Variants in STK24 observed in about 807,000 individuals in gnomAD.
The protein encoded by STK24 is serine/threonine kinase 24, also known as serine/threonine-protein kinase 24.
A neutral mutation model predicts 55.6 loss-of-function variants in STK24; 21 were observed. That is an observed-to-expected ratio of 0.38 (90% CI 0.27 to 0.54). The LOEUF is 0.54. Ranked by LOEUF, STK24 falls within the 20% of genes least tolerant of loss-of-function variation. The pLI is 0.79. For synonymous variants in STK24, 200 were observed against 215.2 expected (o/e 0.93, Z 0.62); for missense variants, 383 against 538.4 (o/e 0.71, Z 2.86).
At chr13:98,530,765 C>T (rs1012549961) in intron 1 of STK24, among the ~76,000 whole-genome samples, 4 of 152,296 alleles carry the variant, frequency 2.6e-5, no homozygotes, top group South Asian at 2.1e-4. Context: ...CTGCCGGCAA[C>T]GTGGTGAACT....
intron 1 of STK24, among the ~76,000 whole-genome samples, chr13:98,574,369 A>G (rs1463007104): frequency 6.6e-6 from 1 of 152,242 alleles, no homozygotes; most frequent in African/African-American, 2.4e-5. Flanking sequence ...GGCCTATCAG[A>G]GCAAGCCATA....
rs1263689100 is a variant in STK24 at position 98,449,580 on chromosome 13, G to A, written c.*3593C>T. ...TAGCACCTGCCCACCTGAGAACCAG[G>A]AACGCACCCTCTCTGTGGAGCTCTG... On this transcript the variant is annotated 3_prime_UTR_variant, in exon 11 of 11. Coordinates refer to ENST00000539966, the MANE Select transcript of STK24 (RefSeq NM_001032296.4). 2.0e-5 allele frequency: 3 copies of A among 152,594 alleles called. No individual in the cohort carries two copies. The highest frequency in any genetic ancestry group is 4.4e-5 in the Non-Finnish European group (3 of 68,064). The allele number at this position is 152,594 out of a possible 1,614,324, so 9.5% of individuals were successfully genotyped here.
chr13:98,545,586 A>T (rs1042179655), intron 1 of STK24, among the ~76,000 whole-genome samples: 6 of 150,400 alleles, frequency 4.0e-5, no homozygotes, highest in African/African-American at 1.5e-4. Context: ...GTGAGCCGAG[A>T]TTACGCCACT....
At chr13:98,516,587 G>A (rs750728449) in intron 2 of STK24, among the ~76,000 whole-genome samples, 37 of 152,202 alleles carry the variant, frequency 2.4e-4, no homozygotes, top group Admixed American at 6.5e-5. Flanking sequence ...AACATGAACA[G>A]AAACAATGTG....
chr13:98,486,584 AG>A (rs1272137369), intron 2 of STK24, among the ~76,000 whole-genome samples: 2 of 152,192 alleles, frequency 1.3e-5, no homozygotes, highest in Non-Finnish European at 2.9e-5. Flanking sequence ...CATGCACTGC[AG>A]GGTGTTCAGC....
At position 98,457,216 on chromosome 13, in the gene STK24, G is replaced by A; in HGVS notation, c.1211C>T (p.Pro404Leu). ...GGCCACCATGGTGTCGGAGATGCCA[G>A]GGCACGCCTCCTCCGCTAGGTAGAT... ...GAIYLAEEAC[P>L]GISDTMVAQL... Residue 404 changes from proline (P) to leucine (L), a missense_variant, in exon 10 of 11, where the codon CCT (proline) becomes CTT (leucine). By Grantham distance (98) the Pro-to-Leu change is moderately conservative. Transcript: ENST00000539966. The A allele has an allele frequency of 6.2e-7, 1 of 1,612,868 alleles. No homozygotes were observed. The highest frequency in any genetic ancestry group is 8.5e-7 in the Non-Finnish European group (1 of 1,179,992).
At chr13:98,528,723 T>C (rs1370663018) in intron 1 of STK24, among the ~76,000 whole-genome samples, 1 of 152,236 alleles carries the variant, frequency 6.6e-6, no homozygotes, top group Non-Finnish European at 1.5e-5. Flanking sequence ...CAACTTTCAG[T>C]GTTACTCAGC....
chr13:98,446,355 C>T lies in STK24; in HGVS notation c.*6818G>A, dbSNP rs544728371. On this transcript the variant is annotated 3_prime_UTR_variant, in exon 11 of 11. Transcript: ENST00000539966. ...ATGCTGGCGGGGGGCCCTGTCCACC[C>T]GAGGCCCTCAACTCTAGGGAAGACT... is the stretch of plus-strand genomic sequence containing the variant. The T allele has an allele frequency of 5.8e-5, 36 of 616,714 alleles. No homozygotes were observed. The highest frequency in any genetic ancestry group is 4.4e-4 in the African/African-American group (24 of 54,232). 38.2% of individuals were successfully genotyped at this position (616,714 alleles called of 1,614,324 possible).
chr13:98,461,063 A>T (rs1423412978), intron 8 of STK24, among the ~76,000 whole-genome samples: 1 of 150,818 alleles, frequency 6.6e-6, no homozygotes, highest in Non-Finnish European at 1.5e-5. Flanking sequence ...AAAGAGAGAG[A>T]GAGAGAGAGA....
At chr13:98,456,367 T>C (rs113160191) in intron 10 of STK24, 41 of 405,688 alleles carry the variant, frequency 1.0e-4, no homozygotes, top group African/African-American at 7.4e-4. Context: ...CTTTGGGAGG[T>C]GTCAGCCTGG....
At chr13:98,539,758 A>G (rs1198781661) in intron 1 of STK24, among the ~76,000 whole-genome samples, 1 of 152,234 alleles carries the variant, frequency 6.6e-6, no homozygotes, top group African/African-American at 2.4e-5. Flanking sequence ...TGGCCACTTC[A>G]GAAAGCCATT....
At chr13:98,459,470 C>T (rs1473153271) in intron 9 of STK24, among the ~76,000 whole-genome samples, 1 of 152,212 alleles carries the variant, frequency 6.6e-6, no homozygotes. Flanking sequence ...CTGGGCAGGG[C>T]AACAGGTGAA....
intron 3 of STK24, among the ~76,000 whole-genome samples, chr13:98,475,760 C>T (rs1299898332): frequency 1.3e-5 from 2 of 152,114 alleles, no homozygotes; most frequent in South Asian, 2.1e-4. Flanking sequence ...ATGGCAGGGG[C>T]GGGGTACAGG....
chr13:98,519,797 T>G (rs1398670929), intron 1 of STK24, among the ~76,000 whole-genome samples: 1 of 152,238 alleles, frequency 6.6e-6, no homozygotes, highest in East Asian at 1.9e-4. Flanking sequence ...TATTGGAATG[T>G]TAGGATACAC....
At chr13:98,502,629 T>C (rs1022301209) in intron 2 of STK24, among the ~76,000 whole-genome samples, 1 of 152,218 alleles carries the variant, frequency 6.6e-6, no homozygotes, top group African/African-American at 2.4e-5. Flanking sequence ...CAGCAAGTCC[T>C]GTCCCTGGTG....
chr13:98,461,747 T>G, intron 8 of STK24, 27 bp downstream of exon 8: 1 of 1,610,280 alleles, frequency 6.2e-7, no homozygotes, highest in South Asian at 1.1e-5. Context: ...GAGGTCAGCG[T>G]GGCCATTCTG....
chr13:98,525,822 G>A (rs1039102725), intron 1 of STK24, among the ~76,000 whole-genome samples: 1 of 152,232 alleles, frequency 6.6e-6, no homozygotes, highest in Non-Finnish European at 1.5e-5. Flanking sequence ...TGAGAGTGAG[G>A]ATCCAGCACC....
At chr13:98,528,845 T>C (rs1434245383) in intron 1 of STK24, among the ~76,000 whole-genome samples, 3 of 152,146 alleles carry the variant, frequency 2.0e-5, no homozygotes, top group Admixed American at 6.5e-5. Flanking sequence ...CGTGCTCTAA[T>C]ACCCGGTACT....
At chr13:98,524,527 G>T (rs968510314) in intron 1 of STK24, among the ~76,000 whole-genome samples, 9 of 152,182 alleles carry the variant, frequency 5.9e-5, no homozygotes, top group African/African-American at 2.2e-4. Context: ...CCAGGCCCCA[G>T]ACACTCTCCA....
Sources: allele counts gnomAD v4.1 joint callset (sites outside exome capture counted in the v4.1 genomes callset), GRCh38; gene constraint gnomAD v4.1.1; transcripts MANE v1.5; gene names NCBI Gene and HGNC (gene_info 2026-07-23, HGNC 2026-07-21).